ATP8A1: variants seen among roughly 807,000 people sequenced by gnomAD.
ATP8A1 encodes ATPase phospholipid transporting 8A1.
Under a neutral mutation model 177.7 loss-of-function variants are expected in ATP8A1, and 90 were observed. The observed-to-expected ratio is 0.51, with a 90% CI of 0.43 to 0.60. ATP8A1 has a LOEUF of 0.60. Among genes scored for constraint, ATP8A1 ranks in the 20% least tolerant of loss-of-function variants. ATP8A1 has a pLI of 0.00. For missense variants in ATP8A1, 1,072 were observed against 1,392.8 expected (o/e 0.77, Z 3.67); for synonymous variants, 493 against 485.9 (o/e 1.01, Z -0.19).
chr4:42,433,592 G>C (rs539946678), intron 33 of ATP8A1, among the ~76,000 whole-genome samples: 1 of 152,220 alleles, frequency 6.6e-6, no homozygotes, highest in Admixed American at 6.5e-5. Context: ...AGCAGCTTTT[G>C]ATTACTCAGA....
chr4:42,569,507 A>T (rs939566158), intron 14 of ATP8A1, among the ~76,000 whole-genome samples: 1 of 152,216 alleles, frequency 6.6e-6, no homozygotes, highest in Non-Finnish European at 1.5e-5. Flanking sequence ...TCAACTTAGC[A>T]GTTGAAATGC....
At chr4:42,652,066 C>T (rs531598393) in intron 1 of ATP8A1, among the ~76,000 whole-genome samples, 66 of 152,336 alleles carry the variant, frequency 4.3e-4, no homozygotes, top group African/African-American at 1.4e-3. Context: ...TCTCAAGATT[C>T]CCAAGTTTGA....
chr4:42,572,979 A>G lies in ATP8A1; in HGVS notation c.1295+1640T>C, dbSNP rs191204839. 1.9e-3 allele frequency among the ~76,000 whole-genome samples: 283 copies of G among 152,310 alleles called. 4 individuals are homozygous for G. Among genetic ancestry groups the G allele is most frequent in the Non-Finnish European group, 2.8e-4 (19 of 68,022 alleles). ...TCAATGATGACAATACTGAGCTCAGACCCACCCTATAACAGTTGTTAATGA... is the reference window on the plus strand; with the variant it reads ...TCAATGATGACAATACTGAGCTCAGGCCCACCCTATAACAGTTGTTAATGA... On this transcript the variant is annotated intron_variant, in intron 14 of 36. Coordinates refer to ENST00000381668, the MANE Select transcript of ATP8A1 (RefSeq NM_006095.2).
chr4:42,581,543 G>T, intron 10 of ATP8A1, 78 bp downstream of exon 10: 1 of 1,011,284 alleles, frequency 9.9e-7, no homozygotes, highest in South Asian at 1.3e-5. Context: ...CTATGTTTGG[G>T]ACCACTGCAC....
Position 42,472,172 on chromosome 4 carries a change from A to G in ATP8A1, c.2325-7096T>C, listed in dbSNP as rs1720496786. 8 of 615,878 alleles carry G rather than the reference A, an allele frequency of 1.3e-5. No individual in the cohort carries two copies. In the Admixed American group the frequency reaches 1.3e-4, roughly 10 times the overall value. 38.2% of individuals were successfully genotyped at this position (615,878 alleles called of 1,614,324 possible). Reference sequence around the variant, plus strand: ...AGCAAAAACATCCTAGGAGCTGTATATGACACAATTCTTGAGGACTTGATC... The same window carrying G: ...AGCAAAAACATCCTAGGAGCTGTATGTGACACAATTCTTGAGGACTTGATC... On this transcript the variant is annotated intron_variant, in intron 25 of 36. Coordinates refer to ENST00000381668, the MANE Select transcript of ATP8A1 (RefSeq NM_006095.2).
intron 14 of ATP8A1, among the ~76,000 whole-genome samples, chr4:42,574,392 T>C (rs1311140921): frequency 6.6e-6 from 1 of 152,114 alleles, no homozygotes; most frequent in Non-Finnish European, 1.5e-5. Context: ...CACTAAACAC[T>C]GAAAATACCA....
At chr4:42,538,665 A>G (rs977971049) in intron 20 of ATP8A1, among the ~76,000 whole-genome samples, 3 of 152,234 alleles carry the variant, frequency 2.0e-5, no homozygotes, top group East Asian at 1.9e-4. Flanking sequence ...AATGCTCAAC[A>G]TCACTAATTA....
chr4:42,553,093 T>A (rs1346463096), intron 16 of ATP8A1, among the ~76,000 whole-genome samples: 1 of 152,224 alleles, frequency 6.6e-6, no homozygotes, highest in East Asian at 1.9e-4. Flanking sequence ...ACATCAATTA[T>A]AAAGAAAATG....
chr4:42,626,640 GA>G, intron 2 of ATP8A1: 1 of 251,108 alleles, frequency 4.0e-6, no homozygotes, highest in Non-Finnish European at 7.8e-6. Flanking sequence ...TCTTGGTGCA[GA>G]ATTGCAAAGA....
At chr4:42,619,172 A>C (rs1737206820) in intron 4 of ATP8A1, among the ~76,000 whole-genome samples, 1 of 151,852 alleles carries the variant, frequency 6.6e-6, no homozygotes, top group African/African-American at 2.4e-5. Context: ...CAGTATGATT[A>C]CTTGATTAGT....
chr4:42,451,468 CCT>C (rs1467120042), intron 30 of ATP8A1, among the ~76,000 whole-genome samples: 3 of 152,122 alleles, frequency 2.0e-5, no homozygotes, highest in Non-Finnish European at 4.4e-5. Context: ...GCACCATGAT[CCT>C]CTTTCTCCAA....
At chr4:42,449,028 G>A (rs1390941757) in intron 30 of ATP8A1, among the ~76,000 whole-genome samples, 1 of 151,532 alleles carries the variant, frequency 6.6e-6, no homozygotes, top group Non-Finnish European at 1.5e-5. Flanking sequence ...TAGAGACGGA[G>A]TTTTGCCATG....
rs912723312 is a variant in ATP8A1 at position 42,485,400 on chromosome 4, T to C, written c.2324+96A>G. On this transcript the variant is annotated intron_variant, in intron 25 of 36. Coordinates refer to ENST00000381668, the MANE Select transcript of ATP8A1 (RefSeq NM_006095.2). ...AACACATTAGTAAGTAACCTAACTTTTGTAAACTCTGGATTACTTTCATTG... is the reference window on the plus strand; with the variant it reads ...AACACATTAGTAAGTAACCTAACTTCTGTAAACTCTGGATTACTTTCATTG... The C allele has an allele frequency of 4.2e-6, 5 of 1,195,036 alleles. No individual in the cohort carries two copies. The East Asian group carries it at 1.3e-4, about 31-fold the overall frequency. 74.0% of individuals were successfully genotyped at this position (1,195,036 alleles called of 1,614,324 possible).
intron 1 of ATP8A1, among the ~76,000 whole-genome samples, chr4:42,637,756 C>T (rs57317344): frequency 0.026 from 3,961 of 152,236 alleles, 166 homozygotes; most frequent in African/African-American, 0.088. Flanking sequence ...TAACTCTGTC[C>T]TTTGCTGGTC....
intron 25 of ATP8A1, among the ~76,000 whole-genome samples, chr4:42,468,839 G>A (rs1232393655): frequency 1.3e-5 from 2 of 152,126 alleles, no homozygotes; most frequent in Non-Finnish European, 2.9e-5. Context: ...AGACATAATG[G>A]AAGCCTTTTC....
At chr4:42,558,329 G>A (rs1428128064) in intron 15 of ATP8A1, among the ~76,000 whole-genome samples, 1 of 152,180 alleles carries the variant, frequency 6.6e-6, no homozygotes, top group Non-Finnish European at 1.5e-5. Flanking sequence ...TCTTTGCCTA[G>A]TAATTTTTGA....
At chr4:42,603,462 T>C (rs775401953) in intron 5 of ATP8A1, among the ~76,000 whole-genome samples, 1 of 152,212 alleles carries the variant, frequency 6.6e-6, no homozygotes, top group African/African-American at 2.4e-5. Flanking sequence ...TATGGTTTTT[T>C]TAACTTTTAT....
chr4:42,533,147 T>C (rs962794852), intron 20 of ATP8A1, among the ~76,000 whole-genome samples: 3 of 152,154 alleles, frequency 2.0e-5, no homozygotes, highest in African/African-American at 7.2e-5. Flanking sequence ...GCCAAGAGAA[T>C]CCACACTTTT....
At chr4:42,651,483 G>T (rs1210207290) in intron 1 of ATP8A1, among the ~76,000 whole-genome samples, 1 of 152,146 alleles carries the variant, frequency 6.6e-6, no homozygotes, top group African/African-American at 2.4e-5. Context: ...GTAGTCTCGG[G>T]TATGTCTTTA....
Sources: gnomAD v4.1 joint callset for allele counts (sites outside exome capture counted in the v4.1 genomes callset) on GRCh38, gnomAD v4.1.1 for gene constraint, MANE v1.5 for transcripts, NCBI Gene and HGNC (gene_info 2026-07-23, HGNC 2026-07-21) for gene names.